RELN: variants seen among roughly 807,000 people sequenced by gnomAD.
RELN encodes the protein reelin.
RELN carries 108 observed loss-of-function variants against 427.6 expected under a neutral mutation model. The observed-to-expected ratio is 0.25, with a 90% confidence interval of 0.22 to 0.30. RELN has a LOEUF of 0.30. Among genes scored for constraint, RELN ranks in the 10% least tolerant of loss-of-function variants. The pLI, the probability that RELN is intolerant of heterozygous loss-of-function variation, is 1.00. For missense variants in RELN, 3,715 were observed against 4,302.8 expected, an observed-to-expected ratio of 0.86 and a Z score of 3.82; for synonymous variants, 1,524 against 1,513.4, an observed-to-expected ratio of 1.01 and a Z score of -0.16.
chr7:103,738,200 T>G (rs950943626), intron 6 of RELN, among the ~76,000 whole-genome samples: 2 of 151,190 alleles, frequency 1.3e-5, no homozygotes, highest in African/African-American at 4.9e-5. Context: ...TCTGGATGCC[T>G]TCTGTGATCT....
At chr7:103,878,515 C>T (rs776924554) in intron 2 of RELN, among the ~76,000 whole-genome samples, 1 of 152,080 alleles carries the variant, frequency 6.6e-6, no homozygotes, top group Non-Finnish European at 1.5e-5. Context: ...GCTCTAGAAA[C>T]AAGAGTAGGT....
chr7:103,784,614 T>C (rs1791972789), intron 3 of RELN, among the ~76,000 whole-genome samples: 1 of 152,172 alleles, frequency 6.6e-6, no homozygotes. Flanking sequence ...ACATAATTTT[T>C]TCTTAATAAA....
intron 34 of RELN, among the ~76,000 whole-genome samples, chr7:103,564,480 G>A (rs1384059518): frequency 6.6e-6 from 1 of 152,138 alleles, no homozygotes; most frequent in East Asian, 1.9e-4. Flanking sequence ...TGGTGCCCAG[G>A]GACCAGGGTC....
At chr7:103,816,531 A>ACACACACACACACACT (rs1792874601) in intron 3 of RELN, among the ~76,000 whole-genome samples, 1 of 5,176 alleles carries the variant, frequency 1.9e-4, no homozygotes, top group African/African-American at 4.2e-4. Flanking sequence ...TTCTCTAGAA[A>ACACACACACACACACT]CACACACACA....
At chr7:103,788,175 G>T (rs1421212039) in intron 3 of RELN, among the ~76,000 whole-genome samples, 1 of 152,286 alleles carries the variant, frequency 6.6e-6, no homozygotes, top group East Asian at 1.9e-4. Context: ...ACTAGGTATT[G>T]ATGGAATGTA....
intron 2 of RELN, among the ~76,000 whole-genome samples, chr7:103,900,211 A>G (rs1028240781): frequency 6.6e-6 from 1 of 152,182 alleles, no homozygotes; most frequent in Non-Finnish European, 1.5e-5. Context: ...TACTAAGAGA[A>G]TAAAACACCT....
intron 24 of RELN, among the ~76,000 whole-genome samples, chr7:103,597,543 C>T (rs1831566393): frequency 6.6e-6 from 1 of 152,110 alleles, no homozygotes; most frequent in Non-Finnish European, 1.5e-5. Context: ...ATGGAGGTTG[C>T]AGTGAGCGAG....
intron 3 of RELN, among the ~76,000 whole-genome samples, chr7:103,782,049 C>A (rs1209648516): frequency 6.6e-6 from 1 of 152,048 alleles, no homozygotes; most frequent in Admixed American, 6.6e-5. Flanking sequence ...GGGAGATGCA[C>A]AGATCTCTAA....
chr7:103,940,013 T>C (rs1464946752), intron 1 of RELN, among the ~76,000 whole-genome samples: 1 of 152,196 alleles, frequency 6.6e-6, no homozygotes, highest in African/African-American at 2.4e-5. Flanking sequence ...TACATGTATA[T>C]TATTTATTAT....
rs765630155 is a variant in RELN, at chr7:103,661,523, C to A, written c.1294G>T (p.Asp432Tyr). The A allele has an allele frequency of 8.7e-6, 14 of 1,611,212 alleles. 1 individual carries two copies. The South Asian group carries it at 1.5e-4, about 18-fold the overall frequency. ...EEFESQPTGW[D>Y]VLGAVIGTEC... The stretch of plus-strand genomic sequence containing the variant: ...GTACCAATGACAGCTCCCAAGACAT[C>A]CCATCTAAAAAAAAAGGGGGATTAA... Residue 432 changes from aspartate to tyrosine, a missense_variant, in exon 12 of 65, where the codon GAT (aspartate) becomes TAT (tyrosine). By Grantham distance (160) the Asp-to-Tyr change is radical. Around this residue, in one of 4 missense-constraint regions of RELN, gnomAD observed 2,208 missense variants for 2,361.7 expected, o/e 0.93. Transcript: ENST00000428762.
intron 1 of RELN, among the ~76,000 whole-genome samples, chr7:103,970,263 C>T (rs1333487565): frequency 6.6e-6 from 1 of 151,812 alleles, no homozygotes; most frequent in African/African-American, 2.4e-5. Flanking sequence ...CTGCCTCAGC[C>T]TCCTGAGTAG....
At chr7:103,506,733 G>A (rs547486263) in intron 51 of RELN, among the ~76,000 whole-genome samples, 1 of 152,178 alleles carries the variant, frequency 6.6e-6, no homozygotes, top group Admixed American at 6.5e-5. Flanking sequence ...ATGTAAATGG[G>A]CTAAATGCCC....
intron 20 of RELN, among the ~76,000 whole-genome samples, chr7:103,624,340 T>G (rs1458478205): frequency 6.6e-6 from 1 of 152,186 alleles, no homozygotes; most frequent in Non-Finnish European, 1.5e-5. Context: ...TCACGCCACC[T>G]GGGGCTGGTG....
At chr7:103,697,654 A>C (rs1262158351) in intron 10 of RELN, among the ~76,000 whole-genome samples, 199 bp downstream of exon 10, 1 of 152,198 alleles carries the variant, frequency 6.6e-6, no homozygotes, top group Non-Finnish European at 1.5e-5. Context: ...ATACTTGTTA[A>C]ATGAATGAAT....
At chr7:103,505,543 C>T (rs1043845297) in intron 51 of RELN, among the ~76,000 whole-genome samples, 12 of 152,126 alleles carry the variant, frequency 7.9e-5, no homozygotes, top group Admixed American at 6.6e-5. Flanking sequence ...AAAGGAGGTC[C>T]ACTCATAGAC....
At chr7:103,822,993 C>T (rs1320109116) in intron 3 of RELN, among the ~76,000 whole-genome samples, 1 of 152,016 alleles carries the variant, frequency 6.6e-6, no homozygotes, top group Non-Finnish European at 1.5e-5. Context: ...AATTGAAATA[C>T]TAGAAATACG....
chr7:103,971,271 G>A (rs1265451676), intron 1 of RELN, among the ~76,000 whole-genome samples: 5 of 151,420 alleles, frequency 3.3e-5, no homozygotes, highest in African/African-American at 4.9e-5. Context: ...CCATATAAAC[G>A]AAACAACTGA....
intron 13 of RELN, among the ~76,000 whole-genome samples, chr7:103,653,845 T>G (rs913966949): frequency 1.3e-5 from 2 of 152,076 alleles, no homozygotes; most frequent in African/African-American, 2.4e-5. Context: ...TGTCAGAGTA[T>G]TGGGTTCTGC....
chr7:103,778,481 T>C (rs1229310873), intron 3 of RELN, among the ~76,000 whole-genome samples: 1 of 152,238 alleles, frequency 6.6e-6, no homozygotes, highest in Non-Finnish European at 1.5e-5. Context: ...ATATTTCTTA[T>C]TGGTCCACAA....
Sources: allele counts gnomAD v4.1 joint callset (sites outside exome capture counted in the v4.1 genomes callset), GRCh38; gene constraint gnomAD v4.1.1; regional missense constraint gnomAD v4.1.1; transcripts MANE v1.5; gene names NCBI Gene and HGNC (gene_info 2026-07-23, HGNC 2026-07-21).